The following RBFOX1 variants were observed in gnomAD, a reference collection of about 807,000 sequenced individuals.
RBFOX1 encodes the protein RNA binding protein fox-1 homolog 1.
RBFOX1 carries 8 observed loss-of-function variants against 57.7 expected under a neutral mutation model. The observed-to-expected ratio is 0.14, with a 90% confidence interval of 0.08 to 0.25. RBFOX1 has a LOEUF of 0.25. Ranked by LOEUF, RBFOX1 falls within the 10% of genes least tolerant of loss-of-function variation. The probability of loss-of-function intolerance (pLI) is 1.00; values close to 1 mark genes in which losing one functional copy is unlikely to be tolerated. For synonymous variants in RBFOX1, 326 were observed against 222.4 expected (o/e 1.47, Z -4.15); for missense variants, 611 against 548.5 (o/e 1.11, Z -1.14).
At chr16:7,271,104 T>C (rs138922637) in intron 4 of RBFOX1, among the ~76,000 whole-genome samples, 3 of 152,282 alleles carry the variant, frequency 2.0e-5, no homozygotes, top group African/African-American at 7.2e-5. Flanking sequence ...GTGTATCACA[T>C]TGTGCACATT....
At chr16:5,555,881 C>A (rs573776106) in intron 2 of RBFOX1, among the ~76,000 whole-genome samples, 1 of 151,874 alleles carries the variant, frequency 6.6e-6, no homozygotes, top group African/African-American at 2.4e-5. Flanking sequence ...ATTAGCCGGT[C>A]GTGGTGGTGC....
Position 6,638,737 on chromosome 16 carries a change from CAA to C in RBFOX1, c.-63-15863_-63-15862del, listed in dbSNP as rs532231744. Among the ~76,000 whole-genome samples the C allele has an allele frequency of 5.7e-4, 87 of 152,230 alleles. No individual in the cohort carries two copies. In the Middle Eastern group the frequency reaches 0.01, roughly 18 times the overall value. On this transcript the variant is annotated intron_variant, in intron 2 of 15. Transcript: ENST00000550418. Reference sequence around the variant, plus strand: ...GAGTACAAAAAATTGAGAGGAAAAACAAAAGAGACTTCTCTTCGCTATTGTAA... The same window carrying C: ...GAGTACAAAAAATTGAGAGGAAAAACAAGAGACTTCTCTTCGCTATTGTAA...
intron 4 of RBFOX1, among the ~76,000 whole-genome samples, chr16:7,488,650 G>A (rs12447801): frequency 0.92 from 139,427 of 152,192 alleles, 65,105 homozygotes; most frequent in East Asian, 1. Context: ...CTATTTGTCT[G>A]TACGTACATC....
At chr16:6,234,023 G>T (rs1450831322) in intron 1 of RBFOX1, among the ~76,000 whole-genome samples, 1 of 152,150 alleles carries the variant, frequency 6.6e-6, no homozygotes, top group Non-Finnish European at 1.5e-5. Flanking sequence ...CCTCTGGAGG[G>T]GAAGAATGCC....
intron 1 of RBFOX1, among the ~76,000 whole-genome samples, chr16:6,193,071 G>A (rs1000577744): frequency 6.6e-6 from 1 of 151,894 alleles, no homozygotes; most frequent in Admixed American, 6.6e-5. Flanking sequence ...AGTTTGTGAC[G>A]TACCTCCCGA....
intron 3 of RBFOX1, among the ~76,000 whole-genome samples, chr16:6,986,050 T>G (rs1437259823): frequency 6.6e-6 from 1 of 151,548 alleles, no homozygotes; most frequent in African/African-American, 2.4e-5. Context: ...ATCTCCAATT[T>G]TTAAATTTCA....
intron 1 of RBFOX1, among the ~76,000 whole-genome samples, chr16:6,200,716 G>T (rs902319008): frequency 1.3e-5 from 2 of 152,182 alleles, no homozygotes; most frequent in Admixed American, 1.3e-4. Flanking sequence ...GGAAGGACAC[G>T]TCTGAAGGGT....
intron 3 of RBFOX1, among the ~76,000 whole-genome samples, chr16:6,840,842 G>T (rs776838233): frequency 1.4e-5 from 2 of 145,178 alleles, no homozygotes; most frequent in Non-Finnish European, 3.0e-5. Context: ...AGCTGAGATC[G>T]TCCCATTGTA....
At chr16:6,844,135 T>TA (rs1555521927) in intron 3 of RBFOX1, among the ~76,000 whole-genome samples, 1 of 151,156 alleles carries the variant, frequency 6.6e-6, no homozygotes, top group South Asian at 2.1e-4. Flanking sequence ...CTTTTCTCTC[T>TA]CTCCATCATT....
At chr16:7,477,467 C>T (rs535125851) in intron 4 of RBFOX1, among the ~76,000 whole-genome samples, 27 of 152,212 alleles carry the variant, frequency 1.8e-4, no homozygotes, top group South Asian at 6.2e-4. Context: ...ATTTCAACAG[C>T]CCCTTCCTGC....
At chr16:7,616,662 G>T (rs55997507) in intron 10 of RBFOX1, among the ~76,000 whole-genome samples, 1 of 151,878 alleles carries the variant, frequency 6.6e-6, no homozygotes, top group South Asian at 2.1e-4. Context: ...CTCCCAGGTA[G>T]CTGGGATTAC....
At chr16:6,654,369 C>G (rs1381775898) in intron 2 of RBFOX1, among the ~76,000 whole-genome samples, 1 of 152,184 alleles carries the variant, frequency 6.6e-6, no homozygotes, top group African/African-American at 2.4e-5. Flanking sequence ...TGCCTACATT[C>G]CACATCTGCA....
chr16:5,355,302 G>T (rs921956207), intron 1 of RBFOX1, among the ~76,000 whole-genome samples: 1 of 152,202 alleles, frequency 6.6e-6, no homozygotes, highest in Admixed American at 6.5e-5. Flanking sequence ...CTGAACGCAG[G>T]TGTGGCAGGA....
At chr16:6,269,775 A>C (rs1171807729) in intron 1 of RBFOX1, among the ~76,000 whole-genome samples, 1 of 152,200 alleles carries the variant, frequency 6.6e-6, no homozygotes, top group Non-Finnish European at 1.5e-5. Flanking sequence ...TAAAAGCAGG[A>C]ATTTTAGAAC....
intron 2 of RBFOX1, among the ~76,000 whole-genome samples, chr16:6,582,497 C>A (rs1004290253): frequency 6.7e-6 from 1 of 149,202 alleles, no homozygotes; most frequent in Admixed American, 6.8e-5. Context: ...GCCCTTGGAC[C>A]TCAAAGGCCC....
chr16:6,218,048 A>G (rs1598457913), intron 1 of RBFOX1, among the ~76,000 whole-genome samples: 1 of 152,252 alleles, frequency 6.6e-6, no homozygotes, highest in East Asian at 1.9e-4. Context: ...TGCATGAATG[A>G]AAAGTTGTGT....
chr16:6,087,845 G>A (rs2096111437), intron 1 of RBFOX1, among the ~76,000 whole-genome samples: 1 of 151,974 alleles, frequency 6.6e-6, no homozygotes, highest in Admixed American at 6.6e-5. Context: ...TAGAGATGGG[G>A]TTTCCCCATG....
chr16:7,492,843 C>G (rs1000811680), intron 4 of RBFOX1, among the ~76,000 whole-genome samples: 2 of 152,132 alleles, frequency 1.3e-5, no homozygotes, highest in African/African-American at 4.8e-5. Flanking sequence ...TAAAAGCTCC[C>G]TGAGACCTCC....
chr16:5,395,390 G>C lies in RBFOX1; in HGVS notation c.220-71826G>C, dbSNP rs560233516. On this transcript the variant is annotated intron_variant, in intron 1 of 2. Transcript: ENST00000585867. ...TAGGTGAGGGAGACCATGACTCCTA[G>C]AGAGGCCAGTGATGGGTTCTGTGAA... Among the ~76,000 whole-genome samples the C allele has an allele frequency of 4.0e-4, 61 of 152,350 alleles. 1 individual carries two copies. Among genetic ancestry groups the C allele is most frequent in the South Asian group, 2.9e-3 (14 of 4,826 alleles).
Sources: allele counts gnomAD v4.1 joint callset (sites outside exome capture counted in the v4.1 genomes callset), GRCh38; gene constraint gnomAD v4.1.1; transcripts MANE v1.5; gene names NCBI Gene and HGNC (gene_info 2026-07-23, HGNC 2026-07-21).